Variants in PSD3 observed in about 807,000 individuals in gnomAD.
PSD3 encodes the protein pleckstrin and Sec7 domain containing 3.
A neutral mutation model predicts 105.5 loss-of-function variants in PSD3; 49 were observed. The ratio of observed to expected loss-of-function variants is 0.46; its 90% CI spans 0.37 to 0.59. The LOEUF is 0.59. Among genes scored for constraint, PSD3 ranks in the 20% least tolerant of loss-of-function variants. The pLI is 0.00. For missense variants in PSD3, 1,561 were observed against 1,263.8 expected (o/e 1.24, Z -3.57); for synonymous variants, 557 against 457.8 (o/e 1.22, Z -2.77).
intron 1 of PSD3, among the ~76,000 whole-genome samples, chr8:19,080,864 T>C (rs541375578): frequency 6.6e-6 from 1 of 152,304 alleles, no homozygotes; most frequent in African/African-American, 2.4e-5. Flanking sequence ...GCTGCTTATA[T>C]ACCAAAAGTC....
intron 1 of PSD3, among the ~76,000 whole-genome samples, chr8:19,080,610 C>T (rs937361304): frequency 1.2e-4 from 18 of 152,134 alleles, no homozygotes; most frequent in African/African-American, 3.6e-4. Context: ...CACACAAACC[C>T]CCTGGCTGGC....
intron 2 of PSD3, among the ~76,000 whole-genome samples, chr8:18,911,902 C>G (rs79026988): frequency 6.6e-6 from 1 of 152,112 alleles, no homozygotes; most frequent in African/African-American, 2.4e-5. Flanking sequence ...CAGCCTACAC[C>G]GTAACTTAAT....
intron 4 of PSD3, among the ~76,000 whole-genome samples, chr8:18,810,539 A>C (rs1811603557): frequency 6.6e-6 from 1 of 152,190 alleles, no homozygotes; most frequent in Non-Finnish European, 1.5e-5. Context: ...TTGAATTTAA[A>C]TTTAAAATTT....
At chr8:18,986,240 C>G (rs529989862) in intron 1 of PSD3, among the ~76,000 whole-genome samples, 54 of 152,244 alleles carry the variant, frequency 3.5e-4, no homozygotes, top group African/African-American at 1.3e-3. Flanking sequence ...ATATAAATGA[C>G]TGTCATTAGA....
intron 4 of PSD3, among the ~76,000 whole-genome samples, chr8:18,814,384 G>C (rs1474181382): frequency 6.6e-6 from 1 of 152,182 alleles, no homozygotes; most frequent in East Asian, 1.9e-4. Flanking sequence ...CGGGGAGTCT[G>C]CATTTGCTCC....
chr8:19,007,888 G>C (rs1427303613), intron 1 of PSD3, among the ~76,000 whole-genome samples: 1 of 151,826 alleles, frequency 6.6e-6, no homozygotes, highest in African/African-American at 2.4e-5. Context: ...CTGTTGCCTG[G>C]CTGGAGTGCA....
chr8:18,981,778 T>C (rs964887220), intron 1 of PSD3, among the ~76,000 whole-genome samples: 2 of 150,174 alleles, frequency 1.3e-5, no homozygotes, highest in Admixed American at 6.7e-5. Context: ...GATTAAAAAA[T>C]ACTTTATTGC....
chr8:18,949,235 AAAAAAAAAAATATATATATATATATAT>A (rs1254638675), intron 1 of PSD3, among the ~76,000 whole-genome samples: 1 of 81,670 alleles, frequency 1.2e-5, no homozygotes, highest in Non-Finnish European at 2.5e-5. Flanking sequence ...AAAAAAAAAA[AAAAAAAAAAATATATATATATATATAT>A]ATATATATAT....
chr8:19,052,195 C>A (rs766531258), intron 1 of PSD3, among the ~76,000 whole-genome samples: 2 of 152,024 alleles, frequency 1.3e-5, no homozygotes, highest in African/African-American at 4.8e-5. Context: ...GAAAAGTGGC[C>A]GGGCACGGTG....
intron 8 of PSD3, among the ~76,000 whole-genome samples, chr8:18,787,049 T>C (rs1230561054): frequency 6.6e-6 from 1 of 152,236 alleles, no homozygotes; most frequent in African/African-American, 2.4e-5. Context: ...TCTCAATTAT[T>C]TTAAAATACT....
At chr8:18,827,363 A>G (rs962713583) in intron 4 of PSD3, among the ~76,000 whole-genome samples, 1 of 152,158 alleles carries the variant, frequency 6.6e-6, no homozygotes, top group African/African-American at 2.4e-5. Flanking sequence ...GACGTGTAAG[A>G]CTGAATGGCT....
intron 1 of PSD3, among the ~76,000 whole-genome samples, chr8:18,961,110 A>G (rs961989163): frequency 1.3e-5 from 2 of 151,792 alleles, no homozygotes; most frequent in African/African-American, 4.8e-5. Context: ...CAAACAAACA[A>G]AAAGACTACT....
intron 11 of PSD3, among the ~76,000 whole-genome samples, chr8:18,618,491 G>A (rs973626686): frequency 1.4e-4 from 21 of 151,160 alleles, no homozygotes; most frequent in African/African-American, 4.8e-4. Context: ...GATGGCAAAT[G>A]ATGAAATTCT....
At chr8:18,812,244 T>C (rs953933875) in intron 4 of PSD3, among the ~76,000 whole-genome samples, 14 of 152,132 alleles carry the variant, frequency 9.2e-5, no homozygotes, top group Admixed American at 6.5e-5. Context: ...GTGTTTCCCT[T>C]GACAATTTAA....
intron 1 of PSD3, among the ~76,000 whole-genome samples, chr8:19,059,033 C>T (rs1031643257): frequency 2.0e-5 from 3 of 152,148 alleles, no homozygotes; most frequent in Admixed American, 1.3e-4. Flanking sequence ...ATTGACTGTC[C>T]CCCAGTGATC....
intron 9 of PSD3, among the ~76,000 whole-genome samples, chr8:18,677,953 T>C (rs538388849): frequency 5.6e-4 from 83 of 147,792 alleles, no homozygotes; most frequent in African/African-American, 1.8e-3. Flanking sequence ...GAGCTTGCAG[T>C]GAGCCGAGAT....
chr8:18,602,331 G>A lies in PSD3; in HGVS notation c.2411-1897C>T, dbSNP rs370814979. 1.5e-4 allele frequency among the ~76,000 whole-genome samples: 23 copies of A among 152,178 alleles called. No homozygotes were observed. The South Asian group carries it at 2.7e-3, about 18-fold the overall frequency. On this transcript the variant is annotated intron_variant, in intron 11 of 15. Coordinates refer to ENST00000327040, the MANE Select transcript of PSD3 (RefSeq NM_015310.4). ...AGAGATTCCAAAGAGCTCTCCAAGCGAAATGTGATTTTAAAAGTCACCCAT... is the reference window on the plus strand; with the variant it reads ...AGAGATTCCAAAGAGCTCTCCAAGCAAAATGTGATTTTAAAAGTCACCCAT...
At chr8:18,555,219 G>A (rs1800995802) in intron 15 of PSD3, among the ~76,000 whole-genome samples, 1 of 152,094 alleles carries the variant, frequency 6.6e-6, no homozygotes, top group African/African-American at 2.4e-5. Flanking sequence ...AGAGGAAGTA[G>A]TTATAAAGCA....
chr8:18,691,420 A>T (rs1800968157), intron 9 of PSD3, among the ~76,000 whole-genome samples: 1 of 152,162 alleles, frequency 6.6e-6, no homozygotes, highest in Admixed American at 6.5e-5. Flanking sequence ...GACCTTTCCA[A>T]CCATCATATG....
Sources: gnomAD v4.1 joint callset for allele counts (sites outside exome capture counted in the v4.1 genomes callset) on GRCh38, gnomAD v4.1.1 for gene constraint, MANE v1.5 for transcripts, NCBI Gene and HGNC (gene_info 2026-07-23, HGNC 2026-07-21) for gene names.